The following PKDCC variants were observed in gnomAD, a reference collection of about 807,000 sequenced individuals.
PKDCC encodes extracellular tyrosine-protein kinase PKDCC.
A neutral mutation model predicts 44.7 loss-of-function variants in PKDCC; 35 were observed. The ratio of observed to expected loss-of-function variants is 0.78; its 90% CI spans 0.60 to 1.04. The LOEUF (loss-of-function observed/expected upper bound fraction) is 1.04. PKDCC is among the 50% of genes least tolerant of loss of function. The pLI is 0.00. For missense variants in PKDCC, 738 were observed against 672.7 expected, an observed-to-expected ratio of 1.10 and a Z score of -1.07; for synonymous variants, 353 against 303.3, an observed-to-expected ratio of 1.16 and a Z score of -1.70.
chr2:42,054,691 A>C lies in PKDCC; in HGVS notation c.1035-250A>C. The C allele has an allele frequency of 1.7e-6, 1 of 572,434 alleles. No individual in the cohort carries two copies. Among genetic ancestry groups the C allele is most frequent in the South Asian group, 2.2e-5 (1 of 45,272 alleles). 35.5% of individuals were successfully genotyped at this position (572,434 alleles called of 1,614,324 possible). A position where few individuals can be genotyped will look rare whatever the true frequency, so the allele number is the denominator to read the frequency against. ...AGTCAGGGGATAATGTGGGGCTGGG[A>C]GGTGGGCAAGTCCTGGGAAGGGTTG... On this transcript the variant is annotated intron_variant, in intron 3 of 6. Transcript: ENST00000294964. This position sits in a 1 kb window ranked among gnomAD's most constrained non-coding sequence, Gnocchi z 6.1.
chr2:42,048,821 C>A lies in PKDCC; in HGVS notation c.622C>A (p.His208Asn). The change falls in exon 1 of 7, where the codon CAC (histidine) becomes AAC (asparagine). Residue 208 changes from histidine (H) to asparagine (N), a missense_variant. By Grantham distance (68) the His-to-Asn change is moderately conservative (BLOSUM62 1). Transcript: ENST00000294964. The surrounding 1 kb of genome is among the most constrained non-coding windows in gnomAD (Gnocchi z 6.2). ...GATGGTGCTGCTGGAGCGGCTGCGGCACCCCAACGTGCTGCAGGTACGAGG... is the reference window on the plus strand; with the variant it reads ...GATGGTGCTGCTGGAGCGGCTGCGGAACCCCAACGTGCTGCAGGTACGAGG... ...KEMVLLERLR[H>N]PNVLQLYGYC... The A allele has an allele frequency of 6.8e-7, 1 of 1,470,372 alleles. No individual in the cohort carries two copies. The highest frequency in any genetic ancestry group is 1.4e-5 in the South Asian group (1 of 72,050). The allele number at this position is 1,470,372 out of a possible 1,614,324, so 91.1% of individuals were successfully genotyped here. A position where few individuals can be genotyped will look rare whatever the true frequency, so the allele number is the denominator to read the frequency against.
In PKDCC at chr2:42,051,145, G is replaced by C. The variant is rs919314777; in HGVS notation, c.640-2094G>C. Among the ~76,000 whole-genome samples the C allele has an allele frequency of 2.3e-4, 35 of 152,136 alleles. 1 individual carries two copies. Among genetic ancestry groups the C allele is most frequent in the African/African-American group, 7.5e-4 (31 of 41,472 alleles). On this transcript the variant is annotated intron_variant, in intron 1 of 6. Coordinates refer to ENST00000294964, the MANE Select transcript of PKDCC (RefSeq NM_138370.3). The surrounding 1 kb of genome is among the most constrained non-coding windows in gnomAD (Gnocchi z 4.2). Reference sequence around the variant, plus strand: ...TAATAGAAAATGCCCAGGCTAGCAGGCCCCATTCTGCACCTCCCAGGGCTT... The same window carrying C: ...TAATAGAAAATGCCCAGGCTAGCAGCCCCCATTCTGCACCTCCCAGGGCTT...
At position 42,054,375 on chromosome 2, in the gene PKDCC, G is replaced by C. The variant is rs1668019413; in HGVS notation, c.1034+68G>C. 2.0e-6 allele frequency: 3 copies of C among 1,513,848 alleles called. No homozygotes were observed. The highest frequency in any genetic ancestry group is 2.4e-5 in the East Asian group (1 of 41,128). 93.8% of individuals were successfully genotyped at this position (1,513,848 alleles called of 1,614,324 possible). A position where few individuals can be genotyped will look rare whatever the true frequency, so the allele number is the denominator to read the frequency against. On this transcript the variant is annotated intron_variant, in intron 3 of 6. Coordinates refer to ENST00000294964, the MANE Select transcript of PKDCC (RefSeq NM_138370.3). The surrounding 1 kb of genome is among the most constrained non-coding windows in gnomAD (Gnocchi z 6.1). The stretch of plus-strand genomic sequence containing the variant: ...GGGCCAGGAGGGCATGGCAGGAAGA[G>C]AGCCAACGTGGAGGCCAGCTGGGCA...
chr2:42,055,451 C>A lies in PKDCC; in HGVS notation c.1222+58C>A. On this transcript the variant is annotated intron_variant, in intron 5 of 6. Transcript: ENST00000294964. The surrounding 1 kb of genome is among the most constrained non-coding windows in gnomAD (Gnocchi z 4.5). ...AAGAAACAGGTGGGAGGGTGAATGA[C>A]CCCGCCCAATTAGGCTAAGTGGCTC... 6.7e-7 allele frequency: 1 copy of A among 1,498,096 alleles called. No individual in the cohort carries two copies. Among genetic ancestry groups the A allele is most frequent in the Non-Finnish European group, 9.2e-7 (1 of 1,089,146 alleles). The allele number at this position is 1,498,096 out of a possible 1,614,324, so 92.8% of individuals were successfully genotyped here.
chr2:42,056,989 G>C (rs1668067327), intron 5 of PKDCC, among the ~76,000 whole-genome samples: 1 of 152,114 alleles, frequency 6.6e-6, no homozygotes, highest in South Asian at 2.1e-4. Flanking sequence ...TGTGCCCTTA[G>C]ATTTGGGAAA....
In PKDCC at chr2:42,055,062, AC is replaced by A. The variant is rs1385520314; in HGVS notation, c.1114+47del. On this transcript the variant is annotated intron_variant, in intron 4 of 6. Transcript: ENST00000294964. The surrounding 1 kb of genome is among the most constrained non-coding windows in gnomAD (Gnocchi z 4.5). Reference sequence around the variant, plus strand: ...CCATCTGCTTCCAGGCACCTACCCCACCCCCACCCGCCAGCAAAAGTGGGGA... The same window carrying A: ...CCATCTGCTTCCAGGCACCTACCCCACCCCACCCGCCAGCAAAAGTGGGGA... 3 of 1,503,250 alleles carry A rather than the reference AC, an allele frequency of 2.0e-6. No homozygotes were observed. Among genetic ancestry groups the A allele is most frequent in the African/African-American group, 1.4e-5 (1 of 69,958 alleles). The allele number at this position is 1,503,250 out of a possible 1,614,324, so 93.1% of individuals were successfully genotyped here.
At position 42,057,324 on chromosome 2, in the gene PKDCC, G is replaced by A. The variant is rs1161984899; in HGVS notation, c.1326G>A (p.Glu442=). 1 of 1,614,098 alleles carries A rather than the reference G, an allele frequency of 6.2e-7. No homozygotes were observed. Among genetic ancestry groups the A allele is most frequent in the African/African-American group, 1.3e-5 (1 of 74,950 alleles). The change falls in exon 6 of 7, where the codon GAG becomes GAA. Residue 442 remains glutamate (E), a synonymous_variant. Coordinates refer to ENST00000294964, the MANE Select transcript of PKDCC (RefSeq NM_138370.3). ...SCLLSVFNLA[E]AVDVCESHAQ... is the part of the protein sequence containing the mutation. ...TCCTTTCAGTGTTCAACCTGGCTGA[G>A]GCTGTGGATGTCTGTGAGAGCCATG...
chr2:42,048,925 T>A lies in PKDCC; in HGVS notation c.639+87T>A, dbSNP rs1276699409. ...CTGGCTGGAAGAGAACCCCTTGATC[T>A]GGAGTGCCAGTGACTGCACCCAGGC... On this transcript the variant is annotated intron_variant, in intron 1 of 6. Coordinates refer to ENST00000294964, the MANE Select transcript of PKDCC (RefSeq NM_138370.3). This position sits in a 1 kb window ranked among gnomAD's most constrained non-coding sequence, Gnocchi z 6.2. 7.4e-7 allele frequency: 1 copy of A among 1,347,142 alleles called. No individual in the cohort carries two copies. The highest frequency in any genetic ancestry group is 9.6e-7 in the Non-Finnish European group (1 of 1,045,346). 83.4% of individuals were successfully genotyped at this position (1,347,142 alleles called of 1,614,324 possible).
chr2:42,048,262 C>T lies in PKDCC; in HGVS notation c.63C>T (p.Val21=). The T allele has an allele frequency of 2.3e-6, 3 of 1,281,266 alleles. No individual in the cohort carries two copies. The highest frequency in any genetic ancestry group is 3.0e-6 in the Non-Finnish European group (3 of 1,005,232). 79.4% of individuals were successfully genotyped at this position (1,281,266 alleles called of 1,614,324 possible). ...GCGCCTCCTTCCTGCTGGGCTCCGT[C>T]CTCAACGTGCTCTTCGCTCCGGGCT... ...GFCASFLLGS[V]LNVLFAPGSE... is the part of the protein sequence containing the mutation. Residue 21 remains valine, a synonymous_variant, in exon 1 of 7, where the codon GTC becomes GTT. Transcript: ENST00000294964. This position sits in a 1 kb window ranked among gnomAD's most constrained non-coding sequence, Gnocchi z 6.2.
At position 42,054,510 on chromosome 2, in the gene PKDCC, G is replaced by A. The variant is rs1230771565; in HGVS notation, c.1034+203G>A. On this transcript the variant is annotated intron_variant, in intron 3 of 6. Coordinates refer to ENST00000294964, the MANE Select transcript of PKDCC (RefSeq NM_138370.3). The surrounding 1 kb of genome is among the most constrained non-coding windows in gnomAD (Gnocchi z 6.1). ...AATAGACAGCTCCAAGGAGAATCCG[G>A]GTTAGGGGGTGGCAGCTGGAGGCTT... 6.1e-6 allele frequency: 4 copies of A among 650,930 alleles called. No individual in the cohort carries two copies. In the Admixed American group the frequency reaches 1.2e-4, roughly 20 times the overall value. 40.3% of individuals were successfully genotyped at this position (650,930 alleles called of 1,614,324 possible).
In PKDCC at chr2:42,054,921, C is replaced by A; in HGVS notation, c.1035-20C>A. On this transcript the variant is annotated intron_variant, in intron 3 of 6. Transcript: ENST00000294964. The surrounding 1 kb of genome is among the most constrained non-coding windows in gnomAD (Gnocchi z 6.1). ...CTCCAAAGGCTGGATTCCTGAGCCACTGGTTTCCCTCTGCCACAGGTTTTT... is the reference window on the plus strand; with the variant it reads ...CTCCAAAGGCTGGATTCCTGAGCCAATGGTTTCCCTCTGCCACAGGTTTTT... 1 of 1,604,872 alleles carries A rather than the reference C, an allele frequency of 6.2e-7. No homozygotes were observed.
At chr2:42,050,528 G>T (rs186419461) in intron 1 of PKDCC, among the ~76,000 whole-genome samples, 1 of 152,178 alleles carries the variant, frequency 6.6e-6, no homozygotes, top group African/African-American at 2.4e-5. Flanking sequence ...TTCAGCTAAC[G>T]CCCCACATAT....
rs1265742035 is a variant in PKDCC, at chr2:42,051,686, C to T, written c.640-1553C>T. 6.6e-6 allele frequency among the ~76,000 whole-genome samples: 1 copy of T among 152,110 alleles called. No individual in the cohort carries two copies. The highest frequency in any genetic ancestry group is 1.9e-4 in the East Asian group (1 of 5,178). On this transcript the variant is annotated intron_variant, in intron 1 of 6. Transcript: ENST00000294964. The surrounding 1 kb of genome is among the most constrained non-coding windows in gnomAD (Gnocchi z 4.2). Reference sequence around the variant, plus strand: ...CCACCCCACCAGGGTCTGGGGCTTCCCTGGACTGATGGGGAGGGGGTGGAG... The same window carrying T: ...CCACCCCACCAGGGTCTGGGGCTTCTCTGGACTGATGGGGAGGGGGTGGAG...
At chr2:42,053,680 A>G (rs572275509) in intron 2 of PKDCC, 1 of 519,350 alleles carries the variant, frequency 1.9e-6, no homozygotes. Flanking sequence ...GTGTCCTAGA[A>G]CTAGGAAAGA....
intron 5 of PKDCC, among the ~76,000 whole-genome samples, 169 bp from the exon 6 acceptor site, chr2:42,057,052 C>A (rs1047026499): frequency 3.8e-4 from 58 of 152,208 alleles, no homozygotes; most frequent in African/African-American, 1.2e-3. Flanking sequence ...AGCAGTCAGC[C>A]CTGTTTCAAC....
rs1184795406 is a variant in PKDCC, at chr2:42,048,431, G to A, written c.232G>A (p.Gly78Arg). Residue 78 changes from glycine (G) to arginine (R), a missense_variant, in exon 1 of 7, where the codon GGG becomes AGG. Coordinates refer to ENST00000294964, the MANE Select transcript of PKDCC (RefSeq NM_138370.3). The surrounding 1 kb of genome is among the most constrained non-coding windows in gnomAD (Gnocchi z 6.2). ...CTATTCCCGCGGGGGCCCCGGGCCC[G>A]GGGCGGGCCGGCCGGAGCGGCGGCG... ...QRYSRGGPGP[G>R]AGRPERRRLM... The A allele has an allele frequency of 8.9e-7, 1 of 1,120,920 alleles. No homozygotes were observed. The highest frequency in any genetic ancestry group is 1.1e-6 in the Non-Finnish European group (1 of 919,978). The allele number at this position is 1,120,920 out of a possible 1,614,324, so 69.4% of individuals were successfully genotyped here. A position where few individuals can be genotyped will look rare whatever the true frequency, so the allele number is the denominator to read the frequency against.
At position 42,055,001 on chromosome 2, in the gene PKDCC, C is replaced by G; in HGVS notation, c.1095C>G (p.Asp365Glu). The G allele has an allele frequency of 7.4e-6, 12 of 1,614,102 alleles. No individual in the cohort carries two copies. The highest frequency in any genetic ancestry group is 1.0e-5 in the Non-Finnish European group (12 of 1,179,940). Residue 365 changes from aspartate (D) to glutamate (E), a missense_variant, in exon 4 of 7, where the codon GAC (aspartate) becomes GAG (glutamate). By Grantham distance (45) the Asp-to-Glu change is conservative (BLOSUM62 2). Coordinates refer to ENST00000294964, the MANE Select transcript of PKDCC (RefSeq NM_138370.3). This position sits in a 1 kb window ranked among gnomAD's most constrained non-coding sequence, Gnocchi z 4.5. ...CGCCTTCACTGCGTCCTCTGCTGGA[C>G]AGCATCGTCAACGCCACAGGTGAGC... Reference protein sequence around the residue: ...SAPPSLRPLLDSIVNATGELA... With the variant: ...SAPPSLRPLLESIVNATGELA...
In PKDCC at chr2:42,054,816, C is replaced by A; in HGVS notation, c.1035-125C>A. The stretch of plus-strand genomic sequence containing the variant: ...GCTGAGTAGACTTCACTGCGTTCTG[C>A]CTGGTTGCTAGGCCTGAGGGATCCG... On this transcript the variant is annotated intron_variant, in intron 3 of 6. Transcript: ENST00000294964. The surrounding 1 kb of genome is among the most constrained non-coding windows in gnomAD (Gnocchi z 6.1). 1.1e-6 allele frequency: 1 copy of A among 882,730 alleles called. No homozygotes were observed. The highest frequency in any genetic ancestry group is 1.9e-6 in the Non-Finnish European group (1 of 525,478). The allele number at this position is 882,730 out of a possible 1,614,324, so 54.7% of individuals were successfully genotyped here.
chr2:42,057,418 C>T, intron 6 of PKDCC, 24 bp downstream of exon 6: 1 of 1,613,734 alleles, frequency 6.2e-7, no homozygotes, highest in East Asian at 2.2e-5. Flanking sequence ...AGAAGCCCTT[C>T]CAAGGGAGAT....
Sources: allele counts gnomAD v4.1 joint callset (sites outside exome capture counted in the v4.1 genomes callset), GRCh38; gene constraint gnomAD v4.1.1; non-coding constraint Gnocchi (gnomAD v3.1); transcripts MANE v1.5; gene names NCBI Gene and HGNC (gene_info 2026-07-23, HGNC 2026-07-21).